The following RBFOX1 variants were observed in gnomAD, a reference collection of about 807,000 sequenced individuals.
The protein encoded by RBFOX1 is RNA binding protein fox-1 homolog 1.
In RBFOX1, 8 loss-of-function variants were observed where a neutral mutation model predicts 57.7. The observed-to-expected ratio is 0.14, with a 90% CI of 0.08 to 0.25. RBFOX1 has a LOEUF of 0.25. RBFOX1 is among the 10% of genes least tolerant of loss of function. RBFOX1 has a pLI of 1.00. For synonymous variants in RBFOX1, 326 were observed against 222.4 expected (o/e 1.47, Z -4.15); for missense variants, 611 against 548.5 (o/e 1.11, Z -1.14).
At chr16:7,155,676 C>A (rs1286901404) in intron 4 of RBFOX1, among the ~76,000 whole-genome samples, 3 of 133,446 alleles carry the variant, frequency 2.2e-5, no homozygotes, top group Admixed American at 1.7e-4. Flanking sequence ...CAGCCACTTG[C>A]CTTCCTCCCT....
intron 4 of RBFOX1, among the ~76,000 whole-genome samples, chr16:5,945,033 C>T (rs140669805): frequency 2.0e-5 from 3 of 150,674 alleles, no homozygotes; most frequent in African/African-American, 4.9e-5. Context: ...TTCTCACCTC[C>T]CTTGCTGGGC....
At chr16:6,743,277 G>C (rs888785692) in intron 3 of RBFOX1, among the ~76,000 whole-genome samples, 1 of 151,956 alleles carries the variant, frequency 6.6e-6, no homozygotes, top group Non-Finnish European at 1.5e-5. Flanking sequence ...AGGGAAAGTT[G>C]GGACAAATGA....
At chr16:5,715,047 A>G (rs2051639008) in intron 3 of RBFOX1, among the ~76,000 whole-genome samples, 8 of 152,236 alleles carry the variant, frequency 5.3e-5, no homozygotes. Flanking sequence ...GAGAAGGATA[A>G]CTTTTCCTGC....
At chr16:6,305,265 G>C (rs530404225) in intron 1 of RBFOX1, among the ~76,000 whole-genome samples, 6 of 152,276 alleles carry the variant, frequency 3.9e-5, no homozygotes, top group African/African-American at 1.4e-4. Flanking sequence ...GTGAGAACAC[G>C]TACCAATACT....
At position 5,856,537 on chromosome 16, in the gene RBFOX1, A is replaced by ATGTG. The variant is rs774246673; in HGVS notation, c.319-10744_319-10741dup. On this transcript the variant is annotated intron_variant, in intron 3 of 19. Coordinates refer to the RBFOX1 transcript ENST00000641259. Reference sequence around the variant, plus strand: ...CAACATCTCTCATTCATATATGTGTATGTGTGTGTGTGTGTGTGTGTGTGT... The same window carrying ATGTG: ...CAACATCTCTCATTCATATATGTGTATGTGTGTGTGTGTGTGTGTGTGTGTGTGT... 9.5e-4 allele frequency among the ~76,000 whole-genome samples: 67 copies of ATGTG among 70,230 alleles called. 1 individual carries two copies. Among genetic ancestry groups the ATGTG allele is most frequent in the South Asian group, 4.3e-3 (7 of 1,618 alleles). The allele number at this position is 70,230 out of a possible 152,430, so 46.1% of individuals were successfully genotyped here.
intron 4 of RBFOX1, among the ~76,000 whole-genome samples, chr16:5,868,326 A>C (rs530209736): frequency 6.6e-6 from 1 of 152,300 alleles, no homozygotes; most frequent in South Asian, 2.1e-4. Context: ...TTTATATCCT[A>C]CTGCTCAATG....
chr16:6,742,026 G>A (rs1476389932), intron 3 of RBFOX1, among the ~76,000 whole-genome samples: 1 of 152,124 alleles, frequency 6.6e-6, no homozygotes, highest in Non-Finnish European at 1.5e-5. Flanking sequence ...GTGTGGTTCT[G>A]CATATGTTCA....
intron 1 of RBFOX1, among the ~76,000 whole-genome samples, chr16:6,048,789 ATAAT>A (rs1207729886): frequency 6.6e-6 from 1 of 152,212 alleles, no homozygotes; most frequent in Non-Finnish European, 1.5e-5. Flanking sequence ...ATTCCTACTG[ATAAT>A]TAATTCATGT....
At chr16:7,664,717 C>T in intron 12 of RBFOX1, 1 of 765,710 alleles carries the variant, frequency 1.3e-6, no homozygotes. Flanking sequence ...CCACCACATC[C>T]TAATTCTGGG....
intron 1 of RBFOX1, among the ~76,000 whole-genome samples, chr16:6,100,928 C>T (rs965287002): frequency 1.3e-5 from 2 of 152,072 alleles, no homozygotes; most frequent in African/African-American, 2.4e-5. Flanking sequence ...ACTGTGTGGC[C>T]AATCTTCCCT....
At chr16:7,296,498 G>A (rs748533947) in intron 4 of RBFOX1, among the ~76,000 whole-genome samples, 1 of 151,932 alleles carries the variant, frequency 6.6e-6, no homozygotes, top group Non-Finnish European at 1.5e-5. Context: ...GTTCTGTAAG[G>A]GTGCTACCAT....
At chr16:7,398,361 G>C (rs143901379) in intron 4 of RBFOX1, among the ~76,000 whole-genome samples, 1 of 152,318 alleles carries the variant, frequency 6.6e-6, no homozygotes, top group East Asian at 1.9e-4. Flanking sequence ...AACTATCTCA[G>C]TGTTACAGAA....
chr16:6,698,760 C>T (rs2061415653), intron 3 of RBFOX1, among the ~76,000 whole-genome samples: 1 of 152,156 alleles, frequency 6.6e-6, no homozygotes, highest in African/African-American at 2.4e-5. Flanking sequence ...CCCTGTTTTC[C>T]TCCCCCACGG....
chr16:7,386,111 G>T (rs1018777003), intron 4 of RBFOX1, among the ~76,000 whole-genome samples: 1 of 151,922 alleles, frequency 6.6e-6, no homozygotes, highest in South Asian at 2.1e-4. Context: ...TTTGCCACAC[G>T]CTAAACAAGG....
intron 4 of RBFOX1, among the ~76,000 whole-genome samples, chr16:7,095,141 C>A (rs1371520538): frequency 1.3e-5 from 2 of 151,344 alleles, no homozygotes; most frequent in East Asian, 1.9e-4. Flanking sequence ...AGATGGAGAC[C>A]CACTCTGTTG....
intron 4 of RBFOX1, among the ~76,000 whole-genome samples, chr16:7,177,843 T>C (rs1472303849): frequency 6.6e-6 from 1 of 152,232 alleles, no homozygotes; most frequent in East Asian, 1.9e-4. Context: ...TGTATTCCGA[T>C]AAAACTTTAG....
At chr16:6,387,034 G>C (rs1024613134) in intron 2 of RBFOX1, among the ~76,000 whole-genome samples, 1 of 152,212 alleles carries the variant, frequency 6.6e-6, no homozygotes, top group African/African-American at 2.4e-5. Flanking sequence ...AGGTTCTGGA[G>C]AGGAACTTGG....
chr16:7,268,685 G>C (rs1467164799), intron 4 of RBFOX1, among the ~76,000 whole-genome samples: 2 of 152,048 alleles, frequency 1.3e-5, no homozygotes, highest in Admixed American at 6.6e-5. Context: ...TGTTTTATTT[G>C]GAAATTAGTA....
intron 4 of RBFOX1, among the ~76,000 whole-genome samples, chr16:7,146,708 C>A (rs1489191934): frequency 5.3e-5 from 8 of 151,738 alleles, no homozygotes; most frequent in Non-Finnish European, 1.5e-5. Context: ...TGGCAGTTTG[C>A]GAGGCTGAGG....
Sources: allele counts gnomAD v4.1 joint callset (sites outside exome capture counted in the v4.1 genomes callset), GRCh38; gene constraint gnomAD v4.1.1; transcripts MANE v1.5; gene names NCBI Gene and HGNC (gene_info 2026-07-23, HGNC 2026-07-21).